The following KIAA0586 variants were observed in gnomAD, a reference collection of about 807,000 sequenced individuals.
KIAA0586 encodes the protein protein TALPID3.
A neutral mutation model predicts 169.8 loss-of-function variants in KIAA0586; 144 were observed. That is an observed-to-expected ratio of 0.85 (90% CI 0.74 to 0.97). KIAA0586 has a LOEUF of 0.97. Ranked by LOEUF, KIAA0586 falls within the 50% of genes least tolerant of loss-of-function variation. The pLI is 0.00. For synonymous variants in KIAA0586, 625 were observed against 612.4 expected (o/e 1.02, Z -0.30); for missense variants, 1,854 against 1,823.0 (o/e 1.02, Z -0.31).
rs1414064582 is a variant in KIAA0586, at chr14:58,483,141, AAAG to A, written c.3144+432_3144+434del. ...CTCTCACAGTTGGCCCTGTAAAACC[AAAG>A]AATATGAAAAGTCAGCCCTCTATAT... is the stretch of plus-strand genomic sequence containing the variant. On this transcript the variant is annotated intron_variant, in intron 21 of 30. Transcript: ENST00000652326. Among the ~76,000 whole-genome samples, 12 of 124,194 alleles carry A rather than the reference AAAG, an allele frequency of 9.7e-5. No individual in the cohort carries two copies. In the East Asian group the frequency reaches 2.6e-3, roughly 27 times the overall value. The allele number at this position is 124,194 out of a possible 152,430, so 81.5% of individuals were successfully genotyped here.
intron 14 of KIAA0586, 64 bp from the exon 15 acceptor site, chr14:58,465,771 A>T: frequency 7.0e-6 from 7 of 998,350 alleles, no homozygotes; most frequent in South Asian, 1.9e-5. Flanking sequence ...TTGTATTTCT[A>T]GATGTCTGGA....
intron 27 of KIAA0586, among the ~76,000 whole-genome samples, chr14:58,501,670 G>T (rs1394505338): frequency 6.6e-6 from 1 of 152,346 alleles, no homozygotes; most frequent in South Asian, 2.1e-4. Flanking sequence ...ATGTAAGGCA[G>T]TATAGCAGAA....
At chr14:58,440,753 A>G (rs771696771) in intron 4 of KIAA0586, among the ~76,000 whole-genome samples, 3 of 152,210 alleles carry the variant, frequency 2.0e-5, no homozygotes, top group Non-Finnish European at 4.4e-5. Context: ...GCACAGAAAG[A>G]TGAATATCAT....
At chr14:58,520,580 G>A (rs2045138441) in intron 29 of KIAA0586, among the ~76,000 whole-genome samples, 1 of 152,116 alleles carries the variant, frequency 6.6e-6, no homozygotes, top group Non-Finnish European at 1.5e-5. Flanking sequence ...GGAGTGCAGT[G>A]GCGTGATCAT....
chr14:58,472,968 A>G (rs2041340189), intron 18 of KIAA0586, among the ~76,000 whole-genome samples: 1 of 143,752 alleles, frequency 7.0e-6, no homozygotes, highest in African/African-American at 2.6e-5. Context: ...TGTGAGTGCC[A>G]CATGAGAATT....
In KIAA0586 at chr14:58,470,632, T is replaced by C. The variant is rs1320727649; in HGVS notation, c.2462T>C (p.Ile821Thr). 3 of 1,601,892 alleles carry C rather than the reference T, an allele frequency of 1.9e-6. No homozygotes were observed. Among genetic ancestry groups the C allele is most frequent in the Middle Eastern group, 1.7e-4 (1 of 6,032 alleles). The part of the protein sequence containing the change: ...LTVQVLPSVD[I>T]DSISNSSADV... ...TTTTAGGTATTACCCAGTGTAGATA[T>C]TGACAGCATTTCAAATAGTAGTGCT... Residue 821 changes from isoleucine to threonine, a missense_variant, in exon 17 of 31, where the codon ATT becomes ACT. Physicochemically the swap from Ile to Thr is moderately conservative, Grantham distance 89 (BLOSUM62 -1). Coordinates refer to ENST00000652326, the MANE Select transcript of KIAA0586 (RefSeq NM_001329943.3).
At chr14:58,544,774 T>A (rs373106762) in intron 30 of KIAA0586, among the ~76,000 whole-genome samples, 3 of 152,242 alleles carry the variant, frequency 2.0e-5, no homozygotes, top group African/African-American at 7.2e-5. Context: ...AAATTATTCC[T>A]GTGGTCAAAA....
At chr14:58,456,400 C>T (rs1310038630) in intron 9 of KIAA0586, among the ~76,000 whole-genome samples, 1 of 152,164 alleles carries the variant, frequency 6.6e-6, no homozygotes, top group Non-Finnish European at 1.5e-5. Context: ...GAATTTCTTA[C>T]TCCACCAATC....
rs1474439400 is a variant in KIAA0586 at position 58,498,866 on chromosome 14, T to G, written c.4074T>G (p.His1358Gln). ...TAAAENILMG[H>Q]SLYMQPPVTN... ...CAGCAGAGAACATCTTAATGGGACA[T>G]TCTCTCTATATGCAGCCACCTGTCA... The change falls in exon 27 of 31, where the codon CAT becomes CAG. Residue 1358 changes from histidine to glutamine, a missense_variant. Coordinates refer to ENST00000652326, the MANE Select transcript of KIAA0586 (RefSeq NM_001329943.3). The G allele has an allele frequency of 6.2e-7, 1 of 1,613,012 alleles. No individual in the cohort carries two copies.
At chr14:58,445,951 C>G (rs1016426231) in intron 6 of KIAA0586, among the ~76,000 whole-genome samples, 4 of 151,664 alleles carry the variant, frequency 2.6e-5, no homozygotes, top group African/African-American at 9.7e-5. Flanking sequence ...TCACTGCAGC[C>G]TCCGCCTCCC....
intron 29 of KIAA0586, 144 bp downstream of exon 29, chr14:58,512,771 A>T: frequency 3.7e-6 from 2 of 538,194 alleles, no homozygotes; most frequent in Non-Finnish European, 6.5e-6. Flanking sequence ...GTCCATTTAC[A>T]TGAAGAATCG....
chr14:58,494,634 C>T (rs2043045544), intron 26 of KIAA0586, among the ~76,000 whole-genome samples: 1 of 152,092 alleles, frequency 6.6e-6, no homozygotes, highest in Non-Finnish European at 1.5e-5. Context: ...ACTGTCCCTG[C>T]TGTTTGCTGT....
At chr14:58,497,703 T>C (rs926912057) in intron 26 of KIAA0586, among the ~76,000 whole-genome samples, 2 of 151,990 alleles carry the variant, frequency 1.3e-5, no homozygotes, top group African/African-American at 4.8e-5. Flanking sequence ...GGGGTAACCT[T>C]TATGCTGTTT....
At chr14:58,521,589 G>T in intron 29 of KIAA0586, 1 of 1,000,304 alleles carries the variant, frequency 1.0e-6, no homozygotes, top group Non-Finnish European at 1.6e-6. Flanking sequence ...GGAAAAAGTG[G>T]CTTCAATTCT....
rs2043342540 is a variant in KIAA0586 at position 58,498,790 on chromosome 14, A to C, written c.3998A>C (p.Glu1333Ala). 8.2e-6 allele frequency: 13 copies of C among 1,591,340 alleles called. No homozygotes were observed. Among genetic ancestry groups the C allele is most frequent in the Non-Finnish European group, 1.1e-5 (13 of 1,172,192 alleles). The change falls in exon 27 of 31, where the codon GAA (glutamate) becomes GCA (alanine). Residue 1333 changes from glutamate (E) to alanine (A), a missense_variant. Physicochemically the swap from Glu to Ala is moderately radical, Grantham distance 107. Transcript: ENST00000652326. Reference protein sequence around the residue: ...QQAVYHSEDLENSVGELSEGQ... With the variant: ...QQAVYHSEDLANSVGELSEGQ... Reference sequence around the variant, plus strand: ...TGTTTCTGCTTTTTAAAGGACTTGGAAAACAGTGTGGGTGAACTTAGTGAA... The same window carrying C: ...TGTTTCTGCTTTTTAAAGGACTTGGCAAACAGTGTGGGTGAACTTAGTGAA...
chr14:58,482,765 TA>T (rs1455049216), intron 21 of KIAA0586, 53 bp downstream of exon 21: 1 of 1,201,644 alleles, frequency 8.3e-7, no homozygotes, highest in Non-Finnish European at 1.2e-6. Flanking sequence ...AGATGAATTT[TA>T]AGCTGCATAC....
downstream of KIAA0586, among the ~76,000 whole-genome samples, chr14:58,553,377 T>C (rs989182410): frequency 6.6e-6 from 1 of 152,158 alleles, no homozygotes; most frequent in African/African-American, 2.4e-5. Context: ...TGGTCTCTCA[T>C]TCTTAAAAAC....
At chr14:58,494,150 A>G (rs1043143569) in intron 26 of KIAA0586, among the ~76,000 whole-genome samples, 3 of 131,314 alleles carry the variant, frequency 2.3e-5, no homozygotes, top group Admixed American at 7.7e-5. Flanking sequence ...TAGAACTCTT[A>G]TTTCCAGATA....
Position 58,453,257 on chromosome 14 carries a change from C to G in KIAA0586, c.1130-93C>G, listed in dbSNP as rs1019966764. 4.4e-6 allele frequency: 3 copies of G among 683,550 alleles called. No homozygotes were observed. In the African/African-American group the frequency reaches 5.8e-5, roughly 13 times the overall value. The allele number at this position is 683,550 out of a possible 1,614,324, so 42.3% of individuals were successfully genotyped here. ...TTGAGTAGATAATCATCATAAGAAG[C>G]TAACTTAGGCCAGAATACAAATATG... On this transcript the variant is annotated intron_variant, in intron 8 of 30. Transcript: ENST00000652326.
Sources: allele counts gnomAD v4.1 joint callset (sites outside exome capture counted in the v4.1 genomes callset), GRCh38; gene constraint gnomAD v4.1.1; transcripts MANE v1.5; gene names NCBI Gene and HGNC (gene_info 2026-07-23, HGNC 2026-07-21).